CHST8: variants seen among roughly 807,000 people sequenced by gnomAD.
CHST8 encodes the protein GALNAC-4-ST1.
CHST8 carries 10 observed loss-of-function variants against 15.0 expected under a neutral mutation model. That is an observed-to-expected ratio of 0.67 (90% CI 0.41 to 1.13). The LOEUF (loss-of-function observed/expected upper bound fraction) is 1.13, where lower values mean the gene tolerates loss of function less well. CHST8 is among the 50% of genes most tolerant of loss of function. The pLI is 0.00. For missense variants in CHST8, 634 were observed against 608.2 expected, an observed-to-expected ratio of 1.04 and a Z score of -0.45; for synonymous variants, 259 against 256.6, an observed-to-expected ratio of 1.01 and a Z score of -0.09.
chr19:33,718,281 CAATCATA>C (rs1973703573), intron 3 of CHST8, among the ~76,000 whole-genome samples: 1 of 102,080 alleles, frequency 9.8e-6, no homozygotes. Flanking sequence ...TACAGTGGCC[CAATCATA>C]GCTCACTGCT....
chr19:33,765,557 G>GTGTC (rs1467364267), intron 3 of CHST8, among the ~76,000 whole-genome samples: 116 of 72,558 alleles, frequency 1.6e-3, no homozygotes, highest in African/African-American at 5.4e-3. Context: ...GTGTGTGTCA[G>GTGTC]AGAGAGAGAG....
intron 3 of CHST8, among the ~76,000 whole-genome samples, chr19:33,729,642 C>G (rs1320481411): frequency 6.6e-6 from 1 of 152,142 alleles, no homozygotes; most frequent in Non-Finnish European, 1.5e-5. Context: ...CATCATAGGT[C>G]CACTGGCCAA....
At chr19:33,724,174 C>T (rs1426522475) in intron 3 of CHST8, among the ~76,000 whole-genome samples, 1 of 152,168 alleles carries the variant, frequency 6.6e-6, no homozygotes. Context: ...TGGCCTCAAG[C>T]TTTAGATGAG....
At chr19:33,759,887 C>T (rs916740057) in intron 3 of CHST8, among the ~76,000 whole-genome samples, 3 of 152,170 alleles carry the variant, frequency 2.0e-5, no homozygotes, top group East Asian at 3.9e-4. Context: ...TTGAAATCTG[C>T]CATGATGGGA....
intron 3 of CHST8, among the ~76,000 whole-genome samples, chr19:33,739,984 G>A (rs1974156239): frequency 6.6e-6 from 1 of 152,168 alleles, no homozygotes; most frequent in Non-Finnish European, 1.5e-5. Context: ...ACAGAGGTGA[G>A]GATGGAGGCC....
intron 2 of CHST8, among the ~76,000 whole-genome samples, chr19:33,677,166 G>T (rs964258593): frequency 6.6e-6 from 1 of 152,150 alleles, no homozygotes; most frequent in East Asian, 1.9e-4. Context: ...GGCAGGGGGG[G>T]GCACTGGGGC....
Position 33,689,335 on chromosome 19 carries a change from T to G in CHST8, c.74T>G (p.Leu25Arg), listed in dbSNP as rs761934854. 1 of 1,609,496 alleles carries G rather than the reference T, an allele frequency of 6.2e-7. No individual in the cohort carries two copies. The highest frequency in any genetic ancestry group is 1.1e-5 in the South Asian group (1 of 90,504). ...SSILLFGAAG[L>R]LLFISLQDPT... ...ATCCTGCTGTTCGGAGCTGCAGGCCTCCTCCTCTTCATCAGCCTGCAGGAC... is the reference window on the plus strand; with the variant it reads ...ATCCTGCTGTTCGGAGCTGCAGGCCGCCTCCTCTTCATCAGCCTGCAGGAC... Residue 25 changes from leucine to arginine, a missense_variant, in exon 3 of 5, where the codon CTC (leucine) becomes CGC (arginine). Transcript: ENST00000650847.
intron 2 of CHST8, among the ~76,000 whole-genome samples, chr19:33,680,136 C>T (rs958343303): frequency 2.6e-5 from 4 of 152,248 alleles, no homozygotes; most frequent in Non-Finnish European, 5.9e-5. Context: ...ATCTCGGTAT[C>T]TCCTTACAGA....
intron 3 of CHST8, among the ~76,000 whole-genome samples, chr19:33,718,584 T>C (rs895835829): frequency 6.6e-6 from 1 of 152,224 alleles, no homozygotes; most frequent in African/African-American, 2.4e-5. Flanking sequence ...CATGTTGCAA[T>C]CTGGCATCTG....
chr19:33,652,017 A>T (rs969295691), intron 1 of CHST8, among the ~76,000 whole-genome samples: 1 of 152,118 alleles, frequency 6.6e-6, no homozygotes, highest in Non-Finnish European at 1.5e-5. Flanking sequence ...ATCTCTCAAT[A>T]TGGTTATGAA....
intron 3 of CHST8, among the ~76,000 whole-genome samples, chr19:33,764,021 T>C (rs1974785175): frequency 6.6e-6 from 1 of 152,202 alleles, no homozygotes; most frequent in South Asian, 2.1e-4. Context: ...ATTGCCCCTG[T>C]CTGCATCTAG....
At chr19:33,706,739 T>C (rs1282643407) in intron 3 of CHST8, among the ~76,000 whole-genome samples, 1 of 152,220 alleles carries the variant, frequency 6.6e-6, no homozygotes, top group Non-Finnish European at 1.5e-5. Context: ...AATTAGTTCC[T>C]TCCCAGAACC....
chr19:33,743,421 C>A (rs1050071509), intron 3 of CHST8, among the ~76,000 whole-genome samples: 4 of 151,756 alleles, frequency 2.6e-5, no homozygotes, highest in Admixed American at 1.3e-4. Context: ...CCTGCCTCAG[C>A]CTCCCGAGTA....
chr19:33,748,678 C>T (rs759563626), intron 3 of CHST8, among the ~76,000 whole-genome samples: 6 of 152,172 alleles, frequency 3.9e-5, no homozygotes, highest in African/African-American at 1.4e-4. Flanking sequence ...TTGCAGGAGA[C>T]GCACACAGCC....
At chr19:33,746,220 A>T (rs1291464028) in intron 3 of CHST8, among the ~76,000 whole-genome samples, 1 of 152,182 alleles carries the variant, frequency 6.6e-6, no homozygotes. Context: ...GTTTTTTATC[A>T]ATTTGATTGA....
chr19:33,707,156 G>A (rs554032724), intron 3 of CHST8, among the ~76,000 whole-genome samples: 7 of 152,238 alleles, frequency 4.6e-5, no homozygotes, highest in African/African-American at 1.7e-4. Context: ...GGGCTCAAGC[G>A]ATCCTCCCAC....
chr19:33,712,027 A>C (rs545595972), intron 3 of CHST8, among the ~76,000 whole-genome samples: 1 of 152,364 alleles, frequency 6.6e-6, no homozygotes, highest in South Asian at 2.1e-4. Context: ...ATTGGAATGA[A>C]AAGGTCTATA....
Position 33,641,008 on chromosome 19 carries a change from C to A in CHST8, c.-164+18712C>A, listed in dbSNP as rs564664725. Among the ~76,000 whole-genome samples the A allele has an allele frequency of 1.7e-4, 26 of 152,278 alleles. No individual in the cohort carries two copies. In the South Asian group the frequency reaches 2.9e-3, roughly 17 times the overall value. ...GCTACTGCTGTGGGATCACAAAGGC[C>A]CAGCCCCTTGTCTCCATTTGGGACT... On this transcript the variant is annotated intron_variant, in intron 1 of 4. Coordinates refer to ENST00000650847, the MANE Select transcript of CHST8 (RefSeq NM_001127895.2).
At position 33,733,270 on chromosome 19, in the gene CHST8, G is replaced by A. The variant is rs936797027; in HGVS notation, c.131-38143G>A. ...TTTTTTTGAGATGGAGTCTTGCTCT[G>A]TTGCCCAGGCTGGAGTGCAATGACA... On this transcript the variant is annotated intron_variant, in intron 3 of 4. Coordinates refer to ENST00000650847, the MANE Select transcript of CHST8 (RefSeq NM_001127895.2). Among the ~76,000 whole-genome samples the A allele has an allele frequency of 1.6e-5, 2 of 128,138 alleles. 1 individual carries two copies. Among genetic ancestry groups the A allele is most frequent in the South Asian group, 4.8e-4 (2 of 4,188 alleles). The allele number at this position is 128,138 out of a possible 152,430, so 84.1% of individuals were successfully genotyped here.
Sources: allele counts gnomAD v4.1 joint callset (sites outside exome capture counted in the v4.1 genomes callset), GRCh38; gene constraint gnomAD v4.1.1; transcripts MANE v1.5; gene names NCBI Gene and HGNC (gene_info 2026-07-23, HGNC 2026-07-21).